USP15: variants seen among roughly 807,000 people sequenced by gnomAD.
USP15 encodes the protein ubiquitin carboxyl-terminal hydrolase 15.
USP15 carries 18 observed loss-of-function variants against 127.1 expected under a neutral mutation model. That is an observed-to-expected ratio of 0.14 (90% CI 0.10 to 0.21). The LOEUF (loss-of-function observed/expected upper bound fraction) is 0.21. Among genes scored for constraint, USP15 ranks in the 10% least tolerant of loss-of-function variants. The pLI is 1.00. For synonymous variants in USP15, 364 were observed against 393.7 expected (o/e 0.92, Z 0.89); for missense variants, 805 against 1,159.9 (o/e 0.69, Z 4.44).
intron 21 of USP15, among the ~76,000 whole-genome samples, chr12:62,403,396 T>A (rs553855947): frequency 6.6e-6 from 1 of 151,926 alleles, no homozygotes; most frequent in Non-Finnish European, 1.5e-5. Context: ...AAGCAAAAAA[T>A]TGTTTGTTGA....
intron 8 of USP15, among the ~76,000 whole-genome samples, chr12:62,361,931 A>G (rs1213657014): frequency 6.6e-6 from 1 of 152,066 alleles, no homozygotes; most frequent in Non-Finnish European, 1.5e-5. Context: ...TAGTTCTCAT[A>G]TAAACCCATA....
chr12:62,393,506 G>T, intron 19 of USP15: 1 of 202,710 alleles, frequency 4.9e-6, no homozygotes, highest in African/African-American at 2.3e-5. Context: ...GATACTTTAT[G>T]GTACTTAGTG....
chr12:62,315,767 G>C (rs1565846984), intron 4 of USP15, among the ~76,000 whole-genome samples: 1 of 152,116 alleles, frequency 6.6e-6, no homozygotes, highest in Non-Finnish European at 1.5e-5. Context: ...AAGTATTTCT[G>C]AATTTCATTA....
intron 6 of USP15, chr12:62,334,106 T>A (rs1314538933): frequency 6.6e-6 from 1 of 152,174 alleles, no homozygotes; most frequent in African/African-American, 2.4e-5. Flanking sequence ...AATGGTAGAA[T>A]GTTAATTTTT....
At chr12:62,294,069 T>C in intron 1 of USP15, 110 bp from the exon 2 acceptor site, 1 of 1,156,990 alleles carries the variant, frequency 8.6e-7, no homozygotes, top group South Asian at 1.6e-5. Context: ...AAATATCCTT[T>C]GAAGTAGATA....
intron 6 of USP15, among the ~76,000 whole-genome samples, chr12:62,327,118 G>A (rs1023611389): frequency 2.6e-5 from 4 of 152,130 alleles, no homozygotes; most frequent in Middle Eastern, 3.4e-3. Flanking sequence ...CCAACAGAAT[G>A]CGACTTTCTC....
chr12:62,331,418 A>T (rs1347926916), intron 6 of USP15, among the ~76,000 whole-genome samples: 1 of 152,174 alleles, frequency 6.6e-6, no homozygotes, highest in Non-Finnish European at 1.5e-5. Flanking sequence ...GTTTATTGAC[A>T]TTTACTAGGT....
intron 8 of USP15, among the ~76,000 whole-genome samples, 160 bp from the exon 9 acceptor site, chr12:62,381,330 C>T (rs2137567487): frequency 6.6e-6 from 1 of 152,024 alleles, no homozygotes; most frequent in South Asian, 2.1e-4. Context: ...TTGAGTACAT[C>T]ATTTGAGTGT....
intron 3 of USP15, chr12:62,303,356 G>C (rs980252066): frequency 6.5e-6 from 1 of 152,690 alleles, no homozygotes; most frequent in African/African-American, 2.4e-5. Flanking sequence ...TGAAAATGTA[G>C]ATTTTTTTTC....
intron 8 of USP15, among the ~76,000 whole-genome samples, chr12:62,355,923 C>T (rs1220517643): frequency 3.3e-5 from 5 of 150,236 alleles, no homozygotes; most frequent in Non-Finnish European, 7.4e-5. Context: ...ATCACTTTCC[C>T]TTAAAGGTCT....
Position 62,321,629 on chromosome 12 carries a change from T to C in USP15, c.621+20T>C, listed in dbSNP as rs779727625. The C allele has an allele frequency of 7.3e-6, 11 of 1,497,554 alleles. No individual in the cohort carries two copies. The East Asian group carries it at 2.2e-4, about 30-fold the overall frequency. 92.8% of individuals were successfully genotyped at this position (1,497,554 alleles called of 1,614,324 possible). On this transcript the variant is annotated intron_variant, in intron 5 of 21. Transcript: ENST00000280377. ...GGACAGGTATTGTTTATTTTAAGCA[T>C]ACTGTATTATACATGAAGGTTTTTG...
intron 1 of USP15, among the ~76,000 whole-genome samples, chr12:62,276,932 G>T (rs923628552): frequency 2.0e-5 from 3 of 151,986 alleles, no homozygotes; most frequent in African/African-American, 7.2e-5. Flanking sequence ...TTTTAAATGT[G>T]TTTGTAATTA....
intron 4 of USP15, among the ~76,000 whole-genome samples, chr12:62,318,318 A>G (rs562387329): frequency 6.6e-6 from 1 of 152,316 alleles, no homozygotes; most frequent in South Asian, 2.1e-4. Context: ...CTCTGTTGGT[A>G]CTACTACTGT....
chr12:62,331,319 A>G (rs1428012581), intron 6 of USP15, among the ~76,000 whole-genome samples: 1 of 152,174 alleles, frequency 6.6e-6, no homozygotes, highest in African/African-American at 2.4e-5. Flanking sequence ...ATTTCTTATT[A>G]TGTCTGGGTG....
At chr12:62,269,294 A>G (rs2063281865) in intron 1 of USP15, among the ~76,000 whole-genome samples, 1 of 152,136 alleles carries the variant, frequency 6.6e-6, no homozygotes, top group South Asian at 2.1e-4. Context: ...TGTAGTGCAT[A>G]CTGTAGTCAA....
chr12:62,400,499 T>G (rs2067649090), intron 20 of USP15, among the ~76,000 whole-genome samples: 1 of 152,032 alleles, frequency 6.6e-6, no homozygotes, highest in South Asian at 2.1e-4. Flanking sequence ...TTGTGGAATT[T>G]TTTTTTTTCC....
At chr12:62,341,692 T>C (rs2065652532) in intron 6 of USP15, among the ~76,000 whole-genome samples, 2 of 152,230 alleles carry the variant, frequency 1.3e-5, no homozygotes, top group African/African-American at 4.8e-5. Context: ...TCTTTAAGAA[T>C]GTTGAATATT....
At chr12:62,322,426 G>A (rs779596770) in intron 5 of USP15, among the ~76,000 whole-genome samples, 9 of 152,032 alleles carry the variant, frequency 5.9e-5, no homozygotes, top group South Asian at 2.1e-4. Context: ...GTGCGCCACC[G>A]TGCCCGGCCG....
rs543843983 is a variant in USP15 at position 62,303,908 on chromosome 12, G to A, written c.348+988G>A. 2.6e-5 allele frequency among the ~76,000 whole-genome samples: 4 copies of A among 152,142 alleles called. No individual in the cohort carries two copies. The South Asian group carries it at 6.2e-4, about 24-fold the overall frequency. On this transcript the variant is annotated intron_variant, in intron 3 of 21. Coordinates refer to ENST00000280377, the MANE Select transcript of USP15 (RefSeq NM_001252078.2). ...CTGTTGTAGGAATGCTAGCCTTATAGATCTGTGAAATGATCTAGTTGCTTT... is the reference window on the plus strand; with the variant it reads ...CTGTTGTAGGAATGCTAGCCTTATAAATCTGTGAAATGATCTAGTTGCTTT...
Sources: allele counts gnomAD v4.1 joint callset (sites outside exome capture counted in the v4.1 genomes callset), GRCh38; gene constraint gnomAD v4.1.1; transcripts MANE v1.5; gene names NCBI Gene and HGNC (gene_info 2026-07-23, HGNC 2026-07-21).